The following MOK variants were observed in gnomAD, a reference collection of about 807,000 sequenced individuals.
MOK encodes the protein MAPK/MAK/MRK overlapping kinase.
Under a neutral mutation model 54.2 loss-of-function variants are expected in MOK, and 59 were observed. That is an observed-to-expected ratio of 1.09 (90% CI 0.88 to 1.35). The LOEUF (loss-of-function observed/expected upper bound fraction) is 1.35, where lower values mean the gene tolerates loss of function less well. Among genes scored for constraint, MOK ranks in the 40% most tolerant of loss-of-function variants. The probability of loss-of-function intolerance (pLI) is 0.00; values close to 1 mark genes in which losing one functional copy is unlikely to be tolerated. For synonymous variants in MOK, 210 were observed against 202.7 expected (o/e 1.04, Z -0.31); for missense variants, 517 against 526.2 (o/e 0.98, Z 0.17).
chr14:102,263,519 G>A, intron 4 of MOK, 27 bp downstream of exon 4: 1 of 1,503,670 alleles, frequency 6.7e-7, no homozygotes, highest in Non-Finnish European at 9.1e-7. Context: ...GAGGATCTTA[G>A]GTTAGCTTTC....
chr14:102,283,419 G>T, intron 2 of MOK, 59 bp downstream of exon 2: 1 of 1,063,084 alleles, frequency 9.4e-7, no homozygotes, highest in Non-Finnish European at 1.4e-6. Context: ...ATATTAAGTT[G>T]CCGTTATTGA....
chr14:102,217,569 G>A, the MOK span, among the ~76,000 whole-genome samples: 3 of 152,230 alleles, frequency 2.0e-5, no homozygotes, highest in African/African-American at 4.8e-5. Context: ...CAAACTGCAC[G>A]GCAAGTCTGG....
chr14:102,241,007 T>C (rs2065670270), intron 7 of MOK, among the ~76,000 whole-genome samples: 2 of 152,196 alleles, frequency 1.3e-5, no homozygotes, highest in Non-Finnish European at 1.5e-5. Flanking sequence ...CGATAATGGT[T>C]CTAAACAGCC....
downstream of MOK, chr14:102,226,399 G>T (rs764313985): frequency 1.4e-6 from 1 of 702,978 alleles, no homozygotes; most frequent in African/African-American, 1.7e-5. The surrounding 1 kb of genome is among the most constrained non-coding windows in gnomAD (Gnocchi z 4.8). Flanking sequence ...CCTCGCTTCC[G>T]TTCTGGGTTC....
At chr14:102,290,355 G>A (rs1484635158) in intron 1 of MOK, among the ~76,000 whole-genome samples, 2 of 151,756 alleles carry the variant, frequency 1.3e-5, no homozygotes, top group Admixed American at 6.6e-5. Context: ...CAGGCGAATC[G>A]CTTGAACCCA....
chr14:102,217,633 G>A, the MOK span, among the ~76,000 whole-genome samples: 1 of 151,366 alleles, frequency 6.6e-6, no homozygotes, highest in African/African-American at 2.4e-5. Context: ...CCGGCTCTGT[G>A]GCTCACGTGC....
At position 102,229,390 on chromosome 14, in the gene MOK, C is replaced by G. The variant is rs746434614; in HGVS notation, c.1183-24G>C. On this transcript the variant is annotated intron_variant, in intron 11 of 11. Transcript: ENST00000361847. ...GTCTGTCAAAGAAAAATTACAGACA[C>G]AAAATTCAGTGGCGGCCTGGGCTGG... 80 of 1,614,090 alleles carry G rather than the reference C, an allele frequency of 5.0e-5. 1 individual carries two copies. The highest frequency in any genetic ancestry group is 6.3e-5 in the Non-Finnish European group (74 of 1,180,006).
At chr14:102,258,270 T>G (rs1220207056) in intron 4 of MOK, among the ~76,000 whole-genome samples, 1 of 152,188 alleles carries the variant, frequency 6.6e-6, no homozygotes. Flanking sequence ...CATCGATGCC[T>G]GCCTACTCCG....
At chr14:102,252,115 T>G in intron 4 of MOK, 120 bp from the exon 5 acceptor site, 1 of 651,924 alleles carries the variant, frequency 1.5e-6, no homozygotes, top group South Asian at 2.0e-5. Flanking sequence ...CTGTAAAAAA[T>G]AATCTGAAGT....
chr14:102,224,723 C>T (rs767668272), downstream of MOK: 13 of 455,924 alleles, frequency 2.9e-5, no homozygotes, highest in Non-Finnish European at 4.4e-5. Flanking sequence ...AGCTTGAGTT[C>T]TCAGCCTGCC....
chr14:102,293,226 C>T (rs1392268125), intron 1 of MOK, among the ~76,000 whole-genome samples: 2 of 152,128 alleles, frequency 1.3e-5, no homozygotes, highest in Non-Finnish European at 2.9e-5. Context: ...ACTTAAATAT[C>T]CAGTATCAAG....
rs559580209 is a variant in MOK, at chr14:102,263,548, C to T, written c.281G>A (p.Arg94Gln). The part of the protein sequence containing the change: ...LMDMNIYELI[R>Q]GRRYPLSEKK... Reference sequence around the variant, plus strand: ...AGCTTTCAAATTATTCTACGTACCTCGTATTAGCTCATAAATATTCATGTC... The same window carrying T: ...AGCTTTCAAATTATTCTACGTACCTTGTATTAGCTCATAAATATTCATGTC... Residue 94 changes from arginine (R) to glutamine (Q), a missense_variant and splice_region_variant, in exon 4 of 12, where the codon CGA becomes CAA. Physicochemically the swap from Arg to Gln is conservative, Grantham distance 43. Coordinates refer to ENST00000361847, the MANE Select transcript of MOK (RefSeq NM_014226.3). 3 of 1,593,900 alleles carry T rather than the reference C, an allele frequency of 1.9e-6. No individual in the cohort carries two copies. The highest frequency in any genetic ancestry group is 2.6e-6 in the Non-Finnish European group (3 of 1,167,664).
intron 1 of MOK, among the ~76,000 whole-genome samples, chr14:102,296,760 A>T (rs563028771): frequency 4.2e-4 from 64 of 152,248 alleles, no homozygotes; most frequent in Non-Finnish European, 7.6e-4. Flanking sequence ...ATCTCTAAAA[A>T]AATAATAATA....
At chr14:102,216,927 T>C in the MOK span, among the ~76,000 whole-genome samples, 1 of 152,102 alleles carries the variant, frequency 6.6e-6, no homozygotes, top group Non-Finnish European at 1.5e-5. Flanking sequence ...AGCGAGACTC[T>C]GTCTTAAAGA....
chr14:102,297,281 C>A (rs1157215090), intron 1 of MOK, among the ~76,000 whole-genome samples: 1 of 151,976 alleles, frequency 6.6e-6, no homozygotes, highest in Non-Finnish European at 1.5e-5. Context: ...TGGCATGAAC[C>A]CAGGAGGCGG....
At chr14:102,256,536 C>T (rs2066968667) in intron 4 of MOK, among the ~76,000 whole-genome samples, 1 of 151,674 alleles carries the variant, frequency 6.6e-6, no homozygotes, top group South Asian at 2.1e-4. Flanking sequence ...ATCGCCACTG[C>T]ACTCCAGCCT....
At chr14:102,259,693 CT>C (rs2067232357) in intron 4 of MOK, among the ~76,000 whole-genome samples, 1 of 152,104 alleles carries the variant, frequency 6.6e-6, no homozygotes, top group African/African-American at 2.4e-5. Flanking sequence ...GGTATATAAC[CT>C]TGGACAAGCA....
downstream of MOK, chr14:102,222,842 TC>T (rs1375095402): frequency 5.0e-6 from 8 of 1,614,170 alleles, no homozygotes; most frequent in South Asian, 7.7e-5. The surrounding 1 kb of genome is among the most constrained non-coding windows in gnomAD (Gnocchi z 4.4). Context: ...CTCATTGTCA[TC>T]CCCAAGCCAG....
At chr14:102,216,286 G>T in the MOK span, among the ~76,000 whole-genome samples, 3 of 152,204 alleles carry the variant, frequency 2.0e-5, no homozygotes, top group African/African-American at 7.2e-5. Context: ...AGTGCACAGG[G>T]CTCTGTTCTT....
Sources: gnomAD v4.1 joint callset for allele counts (sites outside exome capture counted in the v4.1 genomes callset) on GRCh38, gnomAD v4.1.1 for gene constraint, Gnocchi (gnomAD v3.1) non-coding constraint, MANE v1.5 for transcripts, NCBI Gene and HGNC (gene_info 2026-07-23, HGNC 2026-07-21) for gene names.